Variants in DNAH12 observed in about 807,000 individuals in gnomAD.
DNAH12 encodes the protein axonemal beta dynein heavy chain 12.
DNAH12 carries 285 observed loss-of-function variants against 371.5 expected under a neutral mutation model. The ratio of observed to expected loss-of-function variants is 0.77; its 90% CI spans 0.70 to 0.85. The LOEUF is 0.85. Among genes scored for constraint, DNAH12 ranks in the 40% least tolerant of loss-of-function variants. The pLI, the probability that DNAH12 is intolerant of heterozygous loss-of-function variation, is 0.00. For missense variants in DNAH12, 3,611 were observed against 3,689.4 expected (o/e 0.98, Z 0.55); for synonymous variants, 1,200 against 1,213.0 (o/e 0.99, Z 0.22).
chr3:57,446,015 A>C lies in DNAH12; in HGVS notation c.4179+16T>G, dbSNP rs367801402. 2 of 371,538 alleles carry C rather than the reference A, an allele frequency of 5.4e-6. No homozygotes were observed. The highest frequency in any genetic ancestry group is 4.7e-5 in the African/African-American group (2 of 42,742). 23.0% of individuals were successfully genotyped at this position (371,538 alleles called of 1,614,324 possible). A position where few individuals can be genotyped will look rare whatever the true frequency, so the allele number is the denominator to read the frequency against. On this transcript the variant is annotated intron_variant, in intron 27 of 73. Transcript: ENST00000495027. ...ACATAAAATAAATAAATAAATAAAT[A>C]AATAAATAATATTACCTTAAGATTG...
chr3:57,501,767 T>G (rs2067555982), intron 10 of DNAH12, among the ~76,000 whole-genome samples: 1 of 152,204 alleles, frequency 6.6e-6, no homozygotes, highest in Admixed American at 6.5e-5. Flanking sequence ...AGCTACAGGC[T>G]CTTTGAAACT....
chr3:57,481,274 T>C (rs1442083649), intron 13 of DNAH12, among the ~76,000 whole-genome samples: 2 of 151,964 alleles, frequency 1.3e-5, no homozygotes, highest in Admixed American at 1.3e-4. Context: ...TATACACCAA[T>C]AACAGACAAA....
At chr3:57,520,450 A>AT (rs11440259) in intron 4 of DNAH12, among the ~76,000 whole-genome samples, 48,644 of 141,656 alleles carry the variant, frequency 0.34, 8,919 homozygotes, top group African/African-American at 0.42. Flanking sequence ...TATTATTATT[A>AT]TTTTTTTTTT....
intron 59 of DNAH12, among the ~76,000 whole-genome samples, chr3:57,355,054 G>C (rs1180411940): frequency 6.6e-6 from 1 of 152,116 alleles, no homozygotes; most frequent in Non-Finnish European, 1.5e-5. Flanking sequence ...TCTGTATCTT[G>C]ACTGTATTAA....
chr3:57,378,995 T>A (rs1336870654), intron 52 of DNAH12, among the ~76,000 whole-genome samples, 163 bp downstream of exon 52: 1 of 152,168 alleles, frequency 6.6e-6, no homozygotes, highest in Non-Finnish European at 1.5e-5. Context: ...ACAAATATTC[T>A]CCTCGTCTGC....
intron 73 of DNAH12, among the ~76,000 whole-genome samples, chr3:57,294,847 T>TA (rs1258465938): frequency 6.6e-6 from 1 of 152,226 alleles, no homozygotes; most frequent in African/African-American, 2.4e-5. Context: ...ACGTTTCTCA[T>TA]AGTTATAACT....
rs1045685967 is a variant in DNAH12 at position 57,471,556 on chromosome 3, T to C, written c.1827A>G (p.Arg609=). The C allele has an allele frequency of 6.5e-6, 10 of 1,548,334 alleles. No homozygotes were observed. In the Admixed American group the frequency reaches 1.0e-4, roughly 16 times the overall value. Residue 609 remains arginine, a synonymous_variant, in exon 15 of 74, where the codon AGA becomes AGG. Transcript: ENST00000495027. ...TTTCTATTTCCAAAATAAGTTTCTC[T>C]CTCTTGGCCATTAGTTCATTTTCTT... ...HKKENELMAK[R]EKLILEIEKE...
intron 55 of DNAH12, among the ~76,000 whole-genome samples, chr3:57,374,939 A>G (rs1348806357): frequency 2.0e-5 from 3 of 152,190 alleles, no homozygotes; most frequent in African/African-American, 7.2e-5. Flanking sequence ...GGAAAGGAAC[A>G]TGAGGAGACT....
intron 2 of DNAH12, among the ~76,000 whole-genome samples, chr3:57,535,721 T>C (rs1453295782): frequency 6.6e-6 from 1 of 151,736 alleles, no homozygotes; most frequent in African/African-American, 2.4e-5. Context: ...TTTGTATTTT[T>C]AGTAGAGATG....
In DNAH12 at chr3:57,470,547, C is replaced by T. The variant is rs1039689197; in HGVS notation, c.2001G>A (p.Lys667=). Reference sequence around the variant, plus strand: ...GTTCAGGATATTTTGTCAATTCCCACTTGAAAAGTTCCTCTTCTTTATTAA... The same window carrying T: ...GTTCAGGATATTTTGTCAATTCCCATTTGAAAAGTTCCTCTTCTTTATTAA... ...QFINKEEELF[K]WELTKYPELD... is the part of the protein sequence containing the mutation. The change falls in exon 16 of 74, where the codon AAG becomes AAA. Residue 667 remains lysine (K), a synonymous_variant. Coordinates refer to ENST00000495027, the MANE Select transcript of DNAH12 (RefSeq NM_001366028.2). 1.9e-6 allele frequency: 3 copies of T among 1,550,064 alleles called. No homozygotes were observed. Among genetic ancestry groups the T allele is most frequent in the African/African-American group, 1.4e-5 (1 of 72,974 alleles).
chr3:57,477,465 G>A (rs991414876), intron 13 of DNAH12, among the ~76,000 whole-genome samples: 3 of 152,154 alleles, frequency 2.0e-5, no homozygotes, highest in African/African-American at 7.2e-5. Context: ...GCTCAAGGAG[G>A]CCTGCCTGCC....
chr3:57,335,785 C>T (rs1237757476), intron 60 of DNAH12, among the ~76,000 whole-genome samples: 8 of 152,148 alleles, frequency 5.3e-5, no homozygotes, highest in Non-Finnish European at 8.8e-5. Flanking sequence ...TCCAGGAAGC[C>T]AGCAAAAGAA....
chr3:57,510,943 T>C lies in DNAH12; in HGVS notation c.316A>G (p.Ser106Gly). Residue 106 changes from serine to glycine, a missense_variant, in exon 5 of 74, where the codon AGT (serine) becomes GGT (glycine). By Grantham distance (56) the Ser-to-Gly change is moderately conservative. Coordinates refer to ENST00000495027, the MANE Select transcript of DNAH12 (RefSeq NM_001366028.2). ...YIYMKQCVES[S>G]PLVPIQQEWL... ...TCCTGCTGAATAGGTACTAAAGGAC[T>C]ACTTTCTACACATTGCTTCATATAA... 6.2e-7 allele frequency: 1 copy of C among 1,609,320 alleles called. No individual in the cohort carries two copies. The highest frequency in any genetic ancestry group is 8.5e-7 in the Non-Finnish European group (1 of 1,179,106).
At chr3:57,498,823 C>G (rs918786236) in intron 11 of DNAH12, among the ~76,000 whole-genome samples, 2 of 152,018 alleles carry the variant, frequency 1.3e-5, no homozygotes, top group African/African-American at 4.8e-5. Flanking sequence ...CATGGTGAAA[C>G]CCCATCTCTA....
chr3:57,431,117 ATCC>A lies in DNAH12; in HGVS notation c.4981-1346_4981-1344del, dbSNP rs772924457. On this transcript the variant is annotated intron_variant, in intron 32 of 73. Transcript: ENST00000495027. ...CTTTGACCAGATTATTTCAGCAAAC[ATCC>A]TCCTAACTCTGCACAAATTTGAAAG... Among the ~76,000 whole-genome samples, 18 of 152,202 alleles carry A rather than the reference ATCC, an allele frequency of 1.2e-4. No individual in the cohort carries two copies. In the South Asian group the frequency reaches 1.4e-3, roughly 12 times the overall value.
chr3:57,302,722 T>C (rs1454543497), intron 69 of DNAH12, among the ~76,000 whole-genome samples: 2 of 149,818 alleles, frequency 1.3e-5, no homozygotes. Flanking sequence ...ATTGCAGGCA[T>C]GCACCACCAC....
At chr3:57,509,278 C>G in intron 5 of DNAH12, 66 bp from the exon 6 acceptor site, 1 of 1,466,894 alleles carries the variant, frequency 6.8e-7, no homozygotes, top group Non-Finnish European at 9.4e-7. Context: ...ATCAAAGTTT[C>G]TAACTTTTGA....
chr3:57,428,230 G>C, intron 34 of DNAH12: 1 of 585,956 alleles, frequency 1.7e-6, no homozygotes, highest in Non-Finnish European at 2.6e-6. Context: ...CGTGGCTGTA[G>C]CTTTAGCCAT....
intron 43 of DNAH12, among the ~76,000 whole-genome samples, chr3:57,396,290 C>CAAAAAAAAAAAAA (rs1159748997): frequency 1.7e-3 from 116 of 68,350 alleles, no homozygotes; most frequent in East Asian, 2.2e-3. Flanking sequence ...AAAAAAAAAA[C>CAAAAAAAAAAAAA]AAAAAAAAAA....
Sources: gnomAD v4.1 joint callset for allele counts (sites outside exome capture counted in the v4.1 genomes callset) on GRCh38, gnomAD v4.1.1 for gene constraint, MANE v1.5 for transcripts, NCBI Gene and HGNC (gene_info 2026-07-23, HGNC 2026-07-21) for gene names.